Variants in DCC observed in about 807,000 individuals in gnomAD.
DCC encodes the protein netrin receptor DCC.
In DCC, 58 loss-of-function variants were observed where a neutral mutation model predicts 172.5. The ratio of observed to expected loss-of-function variants is 0.34; its 90% CI spans 0.27 to 0.42. The LOEUF (loss-of-function observed/expected upper bound fraction) is 0.42, where lower values mean the gene tolerates loss of function less well. Among genes scored for constraint, DCC ranks in the 10% least tolerant of loss-of-function variants. The probability of loss-of-function intolerance (pLI) is 1.00; values close to 1 mark genes in which losing one functional copy is unlikely to be tolerated. For missense variants in DCC, 1,740 were observed against 1,791.0 expected (o/e 0.97, Z 0.51); for synonymous variants, 709 against 644.5 (o/e 1.10, Z -1.52).
At chr18:52,600,060 A>G (rs1389877523) in intron 1 of DCC, among the ~76,000 whole-genome samples, 1 of 152,162 alleles carries the variant, frequency 6.6e-6, no homozygotes, top group Admixed American at 6.5e-5. Flanking sequence ...TGCCTTGTTT[A>G]TGAAATCCTT....
chr18:52,899,543 C>T (rs1211136621), intron 2 of DCC, among the ~76,000 whole-genome samples: 1 of 151,706 alleles, frequency 6.6e-6, no homozygotes, highest in Non-Finnish European at 1.5e-5. Context: ...TTGATAGAGA[C>T]GGGGTTTCTC....
At chr18:52,400,225 G>A (rs1325756356) in intron 1 of DCC, among the ~76,000 whole-genome samples, 2 of 151,892 alleles carry the variant, frequency 1.3e-5, no homozygotes, top group Non-Finnish European at 2.9e-5. Flanking sequence ...AGGGTAGCAA[G>A]GAATATAAAA....
intron 7 of DCC, among the ~76,000 whole-genome samples, chr18:53,137,709 G>A (rs4273117): frequency 0.16 from 23,759 of 152,028 alleles, 2,314 homozygotes; most frequent in African/African-American, 0.27. Context: ...CTTGAAATAA[G>A]TAACTTTCTA....
chr18:53,173,492 T>A (rs539490612), intron 8 of DCC, among the ~76,000 whole-genome samples: 5 of 152,010 alleles, frequency 3.3e-5, no homozygotes, highest in African/African-American at 9.6e-5. Flanking sequence ...TTTTTCATTG[T>A]CTCCAGTTAA....
chr18:53,098,549 A>AT (rs1192607564), intron 7 of DCC, among the ~76,000 whole-genome samples: 1 of 152,162 alleles, frequency 6.6e-6, no homozygotes, highest in Non-Finnish European at 1.5e-5. Flanking sequence ...TAAGTTATGC[A>AT]TTTTGAGTTG....
Position 52,679,049 on chromosome 18 carries a change from A to G in DCC, c.92-73005A>G, listed in dbSNP as rs2035695506. ...AAAGCTATATTGACCTAGGAGTGTAAGTAAAGTCAGTTGAAATGGTTGGTA... is the reference window on the plus strand; with the variant it reads ...AAAGCTATATTGACCTAGGAGTGTAGGTAAAGTCAGTTGAAATGGTTGGTA... On this transcript the variant is annotated intron_variant, in intron 1 of 28. Transcript: ENST00000442544. 3.3e-5 allele frequency among the ~76,000 whole-genome samples: 5 copies of G among 152,218 alleles called. No individual in the cohort carries two copies. In the South Asian group the frequency reaches 1.0e-3, roughly 32 times the overall value.
intron 1 of DCC, among the ~76,000 whole-genome samples, chr18:52,738,405 A>C (rs1041782764): frequency 2.0e-5 from 3 of 152,178 alleles, no homozygotes; most frequent in Non-Finnish European, 4.4e-5. Flanking sequence ...ATTGTACTAA[A>C]TACTATAGGC....
intron 1 of DCC, among the ~76,000 whole-genome samples, chr18:52,751,272 T>C (rs1455872271): frequency 2.6e-5 from 4 of 152,238 alleles, no homozygotes; most frequent in Non-Finnish European, 5.9e-5. Context: ...TGTCAAATGC[T>C]ATACTGCCAG....
chr18:53,120,571 A>C (rs2144286456), intron 7 of DCC, among the ~76,000 whole-genome samples: 1 of 152,038 alleles, frequency 6.6e-6, no homozygotes, highest in South Asian at 2.1e-4. Flanking sequence ...ATTTACAAAA[A>C]AATCAGAGGA....
At chr18:52,553,354 G>C (rs947240312) in intron 1 of DCC, among the ~76,000 whole-genome samples, 3 of 151,944 alleles carry the variant, frequency 2.0e-5, no homozygotes, top group Non-Finnish European at 2.9e-5. Context: ...CTTTTGACTT[G>C]ACCATCATAG....
intron 1 of DCC, among the ~76,000 whole-genome samples, chr18:52,455,676 T>C (rs536613024): frequency 9.9e-4 from 151 of 152,320 alleles, no homozygotes; most frequent in South Asian, 1.9e-3. Flanking sequence ...ATTGTGATCC[T>C]CGGCAACTTA....
At chr18:52,998,959 C>T (rs1006089079) in intron 5 of DCC, among the ~76,000 whole-genome samples, 4 of 151,932 alleles carry the variant, frequency 2.6e-5, no homozygotes, top group Non-Finnish European at 4.4e-5. Flanking sequence ...CAGATTTTGG[C>T]GTCATTGACT....
intron 12 of DCC, among the ~76,000 whole-genome samples, chr18:53,238,544 A>G (rs1407363300): frequency 6.6e-6 from 1 of 152,154 alleles, no homozygotes; most frequent in Admixed American, 6.5e-5. Context: ...TTTTTCTTAT[A>G]AGCTTTTTGT....
chr18:52,603,046 C>T (rs1789068925), intron 1 of DCC, among the ~76,000 whole-genome samples: 2 of 152,018 alleles, frequency 1.3e-5, no homozygotes, highest in African/African-American at 2.4e-5. Flanking sequence ...AGTCAAAACA[C>T]AGTGCTTTTG....
At chr18:52,349,379 T>C (rs1012566808) in intron 1 of DCC, among the ~76,000 whole-genome samples, 24 of 152,282 alleles carry the variant, frequency 1.6e-4, no homozygotes, top group African/African-American at 5.3e-4. Context: ...GAGTCCTCAA[T>C]CCATTGTTCC....
intron 4 of DCC, 147 bp downstream of exon 4, chr18:52,924,004 AG>A: frequency 1.4e-6 from 1 of 693,718 alleles, no homozygotes; most frequent in South Asian, 1.6e-5. Flanking sequence ...GGCATGATAC[AG>A]TTATATGAAA....
At chr18:53,024,011 G>A (rs1005738555) in intron 5 of DCC, among the ~76,000 whole-genome samples, 1 of 152,116 alleles carries the variant, frequency 6.6e-6, no homozygotes, top group Non-Finnish European at 1.5e-5. Flanking sequence ...TTCAAGGGAT[G>A]TTTTGCCTAT....
chr18:52,634,502 T>C (rs1408700702), intron 1 of DCC, among the ~76,000 whole-genome samples: 1 of 152,152 alleles, frequency 6.6e-6, no homozygotes, highest in African/African-American at 2.4e-5. Flanking sequence ...TCTATTGTCA[T>C]TTAAATTGTG....
At chr18:52,827,344 C>T (rs1043183763) in intron 2 of DCC, among the ~76,000 whole-genome samples, 1 of 152,168 alleles carries the variant, frequency 6.6e-6, no homozygotes. Flanking sequence ...AGGGGAGGGA[C>T]CGAAAACAGC....
Sources: gnomAD v4.1 joint callset for allele counts (sites outside exome capture counted in the v4.1 genomes callset) on GRCh38, gnomAD v4.1.1 for gene constraint, MANE v1.5 for transcripts, NCBI Gene and HGNC (gene_info 2026-07-23, HGNC 2026-07-21) for gene names.